DSP: variants seen among roughly 807,000 people sequenced by gnomAD.
DSP encodes the protein desmoplakin.
A neutral mutation model predicts 290.6 loss-of-function variants in DSP; 114 were observed. The ratio of observed to expected loss-of-function variants is 0.39; its 90% CI spans 0.34 to 0.46. DSP has a LOEUF of 0.46. DSP is among the 20% of genes least tolerant of loss of function. The pLI is 0.99. For missense variants in DSP, 3,230 were observed against 3,495.8 expected (o/e 0.92, Z 1.92); for synonymous variants, 1,311 against 1,316.4 (o/e 1.00, Z 0.09).
intron 15 of DSP, among the ~76,000 whole-genome samples, chr6:7,572,856 A>G (rs1163891660): frequency 6.6e-6 from 1 of 152,270 alleles, no homozygotes; most frequent in Non-Finnish European, 1.5e-5. Context: ...CACCTAGGCT[A>G]CAAACCTGTA....
At chr6:7,551,028 T>C (rs1758326591) in intron 1 of DSP, among the ~76,000 whole-genome samples, 1 of 152,186 alleles carries the variant, frequency 6.6e-6, no homozygotes, top group Non-Finnish European at 1.5e-5. Flanking sequence ...TTATCCATTA[T>C]AGAATTTTGC....
At chr6:7,547,990 C>G (rs935735690) in intron 1 of DSP, among the ~76,000 whole-genome samples, 1 of 152,130 alleles carries the variant, frequency 6.6e-6, no homozygotes, top group Non-Finnish European at 1.5e-5. Flanking sequence ...GAAATTTCTG[C>G]CGGGCGCGGT....
Position 7,584,336 on chromosome 6 carries a change from C to T in DSP, c.7074C>T (p.Leu2358=), listed in dbSNP as rs766369241. Residue 2358 remains leucine, a synonymous_variant, in exon 24 of 24, where the codon CTC becomes CTT. Coordinates refer to ENST00000379802, the MANE Select transcript of DSP (RefSeq NM_004415.4). The surrounding 1 kb of genome is among the most constrained non-coding windows in gnomAD (Gnocchi z 6.4). ...TGTTCCAAGCCATGAATAAGGAACT[C>T]ATCGAAAAGGGCCACGGTATTCGCT... ...ISLFQAMNKE[L]IEKGHGIRLL... 4 of 1,614,042 alleles carry T rather than the reference C, an allele frequency of 2.5e-6. No individual in the cohort carries two copies. In the African/African-American group the frequency reaches 4.0e-5, roughly 16 times the overall value.
chr6:7,552,511 C>T (rs1264879925), intron 1 of DSP, among the ~76,000 whole-genome samples: 3 of 147,050 alleles, frequency 2.0e-5, no homozygotes, highest in South Asian at 4.3e-4. Context: ...TGCAGTGAGC[C>T]GAGATCATGC....
chr6:7,541,885 C>G lies in DSP; in HGVS notation c.-31C>G, dbSNP rs758419247. On this transcript the variant is annotated 5_prime_UTR_variant, in exon 1 of 24. Transcript: ENST00000379802. Reference sequence around the variant, plus strand: ...CCGGCCCGCCTCGCTTATGCCTCGGCGCTGAGCCGCTCTCCCGATTGCCCG... The same window carrying G: ...CCGGCCCGCCTCGCTTATGCCTCGGGGCTGAGCCGCTCTCCCGATTGCCCG... 1.3e-6 allele frequency: 2 copies of G among 1,596,976 alleles called. No individual in the cohort carries two copies. Among genetic ancestry groups the G allele is most frequent in the Non-Finnish European group, 1.7e-6 (2 of 1,174,162 alleles).
chr6:7,577,949 GTC>G, intron 21 of DSP, 63 bp downstream of exon 21: 1 of 1,318,290 alleles, frequency 7.6e-7, no homozygotes, highest in African/African-American at 1.4e-5. Context: ...CCTTTTCCCT[GTC>G]TCCTGCCTCT....
chr6:7,586,017 G>T lies in DSP; in HGVS notation c.*139G>T. ...GCTTACAGAAAATATAGCCATGATT[G>T]AAATCAAATAGTAAAGGCTGTTCTG... is the stretch of plus-strand genomic sequence containing the variant. On this transcript the variant is annotated 3_prime_UTR_variant, in exon 24 of 24. Transcript: ENST00000379802. 2.2e-6 allele frequency: 2 copies of T among 896,064 alleles called. No homozygotes were observed. The highest frequency in any genetic ancestry group is 3.5e-6 in the Non-Finnish European group (2 of 578,692). 55.5% of individuals were successfully genotyped at this position (896,064 alleles called of 1,614,324 possible). A position where few individuals can be genotyped will look rare whatever the true frequency, so the allele number is the denominator to read the frequency against.
chr6:7,571,416 A>T lies in DSP; in HGVS notation c.1735A>T (p.Thr579Ser), dbSNP rs1227322468. 6.2e-7 allele frequency: 1 copy of T among 1,614,158 alleles called. No individual in the cohort carries two copies. Among genetic ancestry groups the T allele is most frequent in the Non-Finnish European group, 8.5e-7 (1 of 1,180,036 alleles). Residue 579 changes from threonine (T) to serine (S), a missense_variant, in exon 14 of 24, where the codon ACG (threonine) becomes TCG (serine). Thr to Ser is a moderately conservative substitution (Grantham distance 58). This residue lies in a region of DSP where 81 missense variants were observed against 130.5 expected (regional missense o/e 0.62). Coordinates refer to ENST00000379802, the MANE Select transcript of DSP (RefSeq NM_004415.4). Reference sequence around the variant, plus strand: ...AATGCGGCAGGAAGATTACATGAAGACGATAGCCGACCTTGAGTTACATTA... The same window carrying T: ...AATGCGGCAGGAAGATTACATGAAGTCGATAGCCGACCTTGAGTTACATTA... ...KTMRQEDYMK[T>S]IADLELHYQE...
Position 7,580,114 on chromosome 6 carries a change from G to A in DSP, c.3924G>A (p.Arg1308=). The A allele has an allele frequency of 6.2e-7, 1 of 1,614,060 alleles. No individual in the cohort carries two copies. The highest frequency in any genetic ancestry group is 2.2e-5 in the East Asian group (1 of 44,878). The change falls in exon 23 of 24, where the codon CGG becomes CGA. Residue 1308 remains arginine (R), a synonymous_variant. Coordinates refer to ENST00000379802, the MANE Select transcript of DSP (RefSeq NM_004415.4). The surrounding 1 kb of genome is among the most constrained non-coding windows in gnomAD (Gnocchi z 4.2). ...VMQQRSEDNA[R]HKQSLEEAAK... The stretch of plus-strand genomic sequence containing the variant: ...AGCAGCGCTCTGAGGACAATGCCCG[G>A]CACAAGCAGTCCCTGGAGGAGGCTG...
rs1759348894 is a variant in DSP, at chr6:7,579,519, A to C, written c.3329A>C (p.Lys1110Thr). The change falls in exon 23 of 24, where the codon AAG becomes ACG. Residue 1110 changes from lysine to threonine, a missense_variant. This residue lies in a region of DSP where 1,714 missense variants were observed against 1,844.5 expected (regional missense o/e 0.93). Transcript: ENST00000379802. This position sits in a 1 kb window ranked among gnomAD's most constrained non-coding sequence, Gnocchi z 4.1. ...CYGQIKELNE[K>T]ITRLTYEIED... is the part of the protein sequence containing the mutation. ...GGCCAAATAAAAGAACTCAATGAGA[A>C]GATCACCCGACTGACTTATGAGATT... 3 of 1,614,048 alleles carry C rather than the reference A, an allele frequency of 1.9e-6. No homozygotes were observed. The highest frequency in any genetic ancestry group is 2.5e-6 in the Non-Finnish European group (3 of 1,180,048).
Position 7,565,585 on chromosome 6 carries a change from T to C in DSP, c.939+65T>C. 1 of 1,590,566 alleles carries C rather than the reference T, an allele frequency of 6.3e-7. No homozygotes were observed. On this transcript the variant is annotated intron_variant, in intron 7 of 23. Transcript: ENST00000379802. The surrounding 1 kb of genome is among the most constrained non-coding windows in gnomAD (Gnocchi z 4.2). ...CCTGTTGCCTTGAAGAGCTGGGGTC[T>C]CGGGGAATGATTGGTCTATTAATAA...
At chr6:7,559,443 G>A (rs762020673) in intron 4 of DSP, 43 bp downstream of exon 4, 6 of 1,610,464 alleles carry the variant, frequency 3.7e-6, no homozygotes, top group South Asian at 2.2e-5. Context: ...CAGGCCAGAC[G>A]TTCCAGCACG....
intron 17 of DSP, 35 bp downstream of exon 17, chr6:7,574,830 C>T (rs1561693308): frequency 6.2e-7 from 1 of 1,614,036 alleles, no homozygotes; most frequent in East Asian, 2.2e-5. Context: ...GCCCAACTTA[C>T]AGGAACTAAT....
chr6:7,558,558 A>T (rs1486891528), intron 3 of DSP, among the ~76,000 whole-genome samples: 2 of 127,000 alleles, frequency 1.6e-5, no homozygotes, highest in Admixed American at 2.1e-4. Context: ...TCTGTCACCC[A>T]GGCTGGAGTG....
In DSP at chr6:7,566,312, C is replaced by G. The variant is rs149558425; in HGVS notation, c.940-65C>G. The G allele has an allele frequency of 1.8e-5, 24 of 1,297,412 alleles. 1 individual carries two copies. The East Asian group carries it at 5.5e-4, about 30-fold the overall frequency. 80.4% of individuals were successfully genotyped at this position (1,297,412 alleles called of 1,614,324 possible). A position where few individuals can be genotyped will look rare whatever the true frequency, so the allele number is the denominator to read the frequency against. Reference sequence around the variant, plus strand: ...TTTTGTATTTCACTTTTAAAAAGTACTGTGGGGGTGATGGAAGTTTAATGA... The same window carrying G: ...TTTTGTATTTCACTTTTAAAAAGTAGTGTGGGGGTGATGGAAGTTTAATGA... On this transcript the variant is annotated intron_variant, in intron 7 of 23. Transcript: ENST00000379802.
At chr6:7,555,484 T>G (rs1758480619) in intron 1 of DSP, among the ~76,000 whole-genome samples, 1 of 152,178 alleles carries the variant, frequency 6.6e-6, no homozygotes, top group Non-Finnish European at 1.5e-5. Context: ...GGCATGGTTA[T>G]TCTCAAGTGG....
rs534413559 is a variant in DSP, at chr6:7,575,467, T to C, written c.2609T>C (p.Ile870Thr). 2.0e-5 allele frequency: 32 copies of C among 1,614,230 alleles called. No homozygotes were observed. Among genetic ancestry groups the C allele is most frequent in the African/African-American group, 2.7e-5 (2 of 75,054 alleles). Residue 870 changes from isoleucine (I) to threonine (T), a missense_variant, in exon 18 of 24, where the codon ATA becomes ACA. Ile to Thr is a moderately conservative substitution (Grantham distance 89, BLOSUM62 -1). Coordinates refer to ENST00000379802, the MANE Select transcript of DSP (RefSeq NM_004415.4). The part of the protein sequence containing the change: ...VTQLTDRWQR[I>T]DKQIDFRLWD... The stretch of plus-strand genomic sequence containing the variant: ...CAGCTGACAGACCGCTGGCAAAGGA[T>C]AGATAAACAGATCGACTTTAGGTAT...
At chr6:7,553,939 A>G (rs1758413921) in intron 1 of DSP, among the ~76,000 whole-genome samples, 2 of 152,238 alleles carry the variant, frequency 1.3e-5, no homozygotes, top group Admixed American at 1.3e-4. Flanking sequence ...GGTGGCCAAA[A>G]AAGAAATGCT....
At chr6:7,573,577 CAA>C (rs1328883654) in intron 15 of DSP, among the ~76,000 whole-genome samples, 23 of 84,668 alleles carry the variant, frequency 2.7e-4, no homozygotes, top group Non-Finnish European at 2.2e-4. Context: ...GACTCTGTCT[CAA>C]AAAAAAAAAA....
Sources: allele counts gnomAD v4.1 joint callset (sites outside exome capture counted in the v4.1 genomes callset), GRCh38; gene constraint gnomAD v4.1.1; regional missense constraint gnomAD v4.1.1; non-coding constraint Gnocchi (gnomAD v3.1); transcripts MANE v1.5; gene names NCBI Gene and HGNC (gene_info 2026-07-23, HGNC 2026-07-21).